Variants in PDSS2 observed in about 807,000 individuals in gnomAD.
PDSS2 encodes decaprenyl diphosphate synthase subunit 2.
Under a neutral mutation model 44.5 loss-of-function variants are expected in PDSS2, and 31 were observed. The observed-to-expected ratio is 0.70, with a 90% CI of 0.52 to 0.94. PDSS2 has a LOEUF of 0.94. Among genes scored for constraint, PDSS2 ranks in the 40% least tolerant of loss-of-function variants. The pLI is 0.00. For missense variants in PDSS2, 452 were observed against 482.2 expected, an observed-to-expected ratio of 0.94 and a Z score of 0.59; for synonymous variants, 157 against 180.3, an observed-to-expected ratio of 0.87 and a Z score of 1.03.
rs1491276737 is a variant in PDSS2, at chr6:107,181,542, AAG to A, written c.1041+12278_1041+12279del. Among the ~76,000 whole-genome samples the A allele has an allele frequency of 4.0e-3, 575 of 143,880 alleles. 6 individuals are homozygous for A. The highest frequency in any genetic ancestry group is 6.3e-3 in the Non-Finnish European group (420 of 66,884). 94.4% of individuals were successfully genotyped at this position (143,880 alleles called of 152,430 possible). Reference sequence around the variant, plus strand: ...GAGTGAATCTCTGTCTCAAAAAAAAAAGAAAAGAAAAGAAAAGAAAAAGAAAT... The same window carrying A: ...GAGTGAATCTCTGTCTCAAAAAAAAAAAAAGAAAAGAAAAGAAAAAGAAAT... On this transcript the variant is annotated intron_variant, in intron 7 of 7. Coordinates refer to ENST00000369037, the MANE Select transcript of PDSS2 (RefSeq NM_020381.4).
intron 2 of PDSS2, among the ~76,000 whole-genome samples, chr6:107,284,066 A>C (rs1284152893): frequency 2.0e-5 from 3 of 151,368 alleles, no homozygotes; most frequent in Non-Finnish European, 4.4e-5. Context: ...TAAATAAATA[A>C]AAATAAAATA....
intron 2 of PDSS2, among the ~76,000 whole-genome samples, chr6:107,319,632 C>A (rs929277434): frequency 6.6e-6 from 1 of 152,200 alleles, no homozygotes; most frequent in Non-Finnish European, 1.5e-5. Context: ...ACCTTGCCTA[C>A]CCCTCTAATT....
chr6:107,351,914 T>C (rs561324507), intron 1 of PDSS2, among the ~76,000 whole-genome samples: 2 of 152,292 alleles, frequency 1.3e-5, no homozygotes, highest in East Asian at 1.9e-4. Context: ...TATCAGATGA[T>C]GGAAAAATAT....
chr6:107,405,791 G>A (rs1012066118), intron 1 of PDSS2, among the ~76,000 whole-genome samples: 8 of 149,004 alleles, frequency 5.4e-5, no homozygotes, highest in South Asian at 4.2e-4. Context: ...AGCTTGCAGT[G>A]AGCCGAGATC....
At chr6:107,164,314 C>A (rs1181963024) in intron 7 of PDSS2, among the ~76,000 whole-genome samples, 1 of 152,144 alleles carries the variant, frequency 6.6e-6, no homozygotes, top group Admixed American at 6.6e-5. Context: ...TATCCCTCCC[C>A]ACTTCCCCCA....
intron 6 of PDSS2, among the ~76,000 whole-genome samples, chr6:107,197,265 G>T (rs1772595881): frequency 6.6e-6 from 1 of 151,196 alleles, no homozygotes; most frequent in Middle Eastern, 3.2e-3. Context: ...GTGGGGTAAG[G>T]GGGGGGTGCA....
intron 7 of PDSS2, among the ~76,000 whole-genome samples, chr6:107,162,611 T>TTTTTTTTTCTTTTTC (rs1554246882): frequency 5.3e-5 from 1 of 18,812 alleles, no homozygotes. Flanking sequence ...AATTCCCTAA[T>TTTTTTTTTCTTTTTC]TTTTTTTTTT....
At chr6:107,305,661 G>A (rs1462018736) in intron 2 of PDSS2, among the ~76,000 whole-genome samples, 1 of 152,106 alleles carries the variant, frequency 6.6e-6, no homozygotes, top group African/African-American at 2.4e-5. Flanking sequence ...CAGCAGACAT[G>A]GTCTATTCCT....
chr6:107,187,882 T>C (rs1226735584), intron 7 of PDSS2, among the ~76,000 whole-genome samples: 1 of 152,060 alleles, frequency 6.6e-6, no homozygotes, highest in Non-Finnish European at 1.5e-5. Flanking sequence ...TACATGCTAG[T>C]GGAAGAAGAA....
At chr6:107,266,209 G>T (rs1355603421) in intron 3 of PDSS2, among the ~76,000 whole-genome samples, 1 of 152,136 alleles carries the variant, frequency 6.6e-6, no homozygotes, top group Non-Finnish European at 1.5e-5. Flanking sequence ...GGGAATTCCT[G>T]ACTTTCAAGA....
At chr6:107,381,260 G>C (rs1480049683) in intron 1 of PDSS2, among the ~76,000 whole-genome samples, 2 of 152,134 alleles carry the variant, frequency 1.3e-5, no homozygotes, top group East Asian at 3.8e-4. Context: ...GCCAAATCCA[G>C]CCCATCTTTC....
At chr6:107,428,157 C>T (rs1781063807) in intron 1 of PDSS2, among the ~76,000 whole-genome samples, 1 of 152,138 alleles carries the variant, frequency 6.6e-6, no homozygotes, top group Non-Finnish European at 1.5e-5. Flanking sequence ...TTTATATTGT[C>T]CTTCACTCTG....
rs549627689 is a variant in PDSS2, at chr6:107,408,943, T to C, written c.296+50047A>G. On this transcript the variant is annotated intron_variant, in intron 1 of 7. Coordinates refer to ENST00000369037, the MANE Select transcript of PDSS2 (RefSeq NM_020381.4). ...TCATTTTGGATCTAAGGACTCCAAT[T>C]CCCTGAGAGCAAGGCAGCAGGTGGC... Among the ~76,000 whole-genome samples the C allele has an allele frequency of 5.9e-5, 9 of 152,284 alleles. No homozygotes were observed. The South Asian group carries it at 1.9e-3, about 32-fold the overall frequency.
chr6:107,431,567 T>C (rs543435940), intron 1 of PDSS2, among the ~76,000 whole-genome samples: 11 of 152,310 alleles, frequency 7.2e-5, no homozygotes, highest in Admixed American at 7.2e-4. Context: ...TTATTTCTAA[T>C]AACAATCATA....
At chr6:107,349,881 C>T (rs571605148) in intron 1 of PDSS2, among the ~76,000 whole-genome samples, 2 of 152,324 alleles carry the variant, frequency 1.3e-5, no homozygotes, top group South Asian at 4.1e-4. Context: ...ACCAATTATT[C>T]CAATAATGTC....
chr6:107,251,592 T>C (rs576741321), intron 3 of PDSS2, among the ~76,000 whole-genome samples: 3 of 152,214 alleles, frequency 2.0e-5, no homozygotes, highest in East Asian at 1.9e-4. Context: ...CAGCAATGCA[T>C]GAAGTAGTAG....
intron 4 of PDSS2, among the ~76,000 whole-genome samples, chr6:107,240,015 A>T (rs937880242): frequency 6.6e-6 from 1 of 152,190 alleles, no homozygotes; most frequent in Non-Finnish European, 1.5e-5. Flanking sequence ...GTGAATCCAA[A>T]GTCAATTTTG....
intron 3 of PDSS2, among the ~76,000 whole-genome samples, chr6:107,271,797 G>C (rs1406695363): frequency 6.6e-6 from 1 of 152,252 alleles, no homozygotes; most frequent in Non-Finnish European, 1.5e-5. Flanking sequence ...GCTCATGCCT[G>C]TAATCCCAGC....
chr6:107,246,358 G>A (rs1774614153), intron 3 of PDSS2, among the ~76,000 whole-genome samples: 1 of 152,014 alleles, frequency 6.6e-6, no homozygotes, highest in South Asian at 2.1e-4. Context: ...TAATTTGAGA[G>A]GATAAAATAG....
Sources: allele counts gnomAD v4.1 joint callset (sites outside exome capture counted in the v4.1 genomes callset), GRCh38; gene constraint gnomAD v4.1.1; transcripts MANE v1.5; gene names NCBI Gene and HGNC (gene_info 2026-07-23, HGNC 2026-07-21).